Variants in NECTIN1 observed in about 807,000 individuals in gnomAD.
The protein encoded by NECTIN1 is nectin cell adhesion molecule 1, also known as nectin-1.
A neutral mutation model predicts 48.0 loss-of-function variants in NECTIN1; 23 were observed. The observed-to-expected ratio is 0.48, with a 90% CI of 0.34 to 0.68. NECTIN1 has a LOEUF of 0.68. Ranked by LOEUF, NECTIN1 falls within the 30% of genes least tolerant of loss-of-function variation. The pLI is 0.01. For missense variants in NECTIN1, 591 were observed against 709.9 expected, an observed-to-expected ratio of 0.83 and a Z score of 1.90; for synonymous variants, 270 against 288.9, an observed-to-expected ratio of 0.93 and a Z score of 0.66.
intron 1 of NECTIN1, among the ~76,000 whole-genome samples, chr11:119,685,225 C>A (rs1157658332): frequency 1.3e-5 from 2 of 152,202 alleles, no homozygotes; most frequent in Non-Finnish European, 2.9e-5. Context: ...CAAGTCAGTG[C>A]CTCCGCCCCT....
intron 5 of NECTIN1, among the ~76,000 whole-genome samples, chr11:119,669,812 C>T (rs1463626175): frequency 6.6e-6 from 1 of 152,146 alleles, no homozygotes; most frequent in Non-Finnish European, 1.5e-5. Flanking sequence ...CTTTGGGACA[C>T]AGCTCAAATA....
Position 119,713,363 on chromosome 11 carries a change from A to G in NECTIN1, c.79+15112T>C, listed in dbSNP as rs1865687979. ...AGGATCTCTAGGGTTGTGGGGTGGA[A>G]GGAGAAGCTGAAATTAGGAAGAAAA... On this transcript the variant is annotated intron_variant, in intron 1 of 5. Transcript: ENST00000264025. Among the ~76,000 whole-genome samples the G allele has an allele frequency of 2.0e-5, 3 of 152,252 alleles. No homozygotes were observed. In the East Asian group the frequency reaches 5.8e-4, roughly 29 times the overall value.
At chr11:119,638,787 G>T in exon 7 of NECTIN1, 2 of 1,613,942 alleles carry the variant, frequency 1.2e-6, no homozygotes, top group Non-Finnish European at 1.7e-6. Flanking sequence ...TCCGGCTTCT[G>T]GGAGAGGGGC....
At chr11:119,720,862 G>A (rs149881588) in intron 1 of NECTIN1, among the ~76,000 whole-genome samples, 157 of 152,276 alleles carry the variant, frequency 1.0e-3, no homozygotes, top group African/African-American at 3.6e-3. Context: ...GACAAGGAAC[G>A]CGAGCTGGGG....
At chr11:119,688,715 G>T (rs1865203696) in intron 1 of NECTIN1, among the ~76,000 whole-genome samples, 1 of 152,132 alleles carries the variant, frequency 6.6e-6, no homozygotes, top group Non-Finnish European at 1.5e-5. Flanking sequence ...ATAGTTGGGG[G>T]GCACTCTGGT....
intron 1 of NECTIN1, among the ~76,000 whole-genome samples, chr11:119,687,888 C>T (rs1052238737): frequency 8.6e-5 from 13 of 151,906 alleles, no homozygotes; most frequent in Non-Finnish European, 1.3e-4. Flanking sequence ...CTCGGATGGC[C>T]GGGGGGGTGA....
chr11:119,653,128 GA>G (rs1200225772), intron 5 of NECTIN1, among the ~76,000 whole-genome samples: 1 of 152,214 alleles, frequency 6.6e-6, no homozygotes, highest in African/African-American at 2.4e-5. Flanking sequence ...TCACAGTCTT[GA>G]TCCGGGGGTG....
Position 119,661,027 on chromosome 11 carries a change from T to G in NECTIN1, c.*3720A>C. On this transcript the variant is annotated 3_prime_UTR_variant, in exon 6 of 6. Transcript: ENST00000264025. The stretch of plus-strand genomic sequence containing the variant: ...ACACTTTATTTATAAAAAAGTACAT[T>G]TTTAATCCTCAGTACATTTTCAACC... 1.0e-6 allele frequency: 1 copy of G among 981,300 alleles called. No individual in the cohort carries two copies. Among genetic ancestry groups the G allele is most frequent in the Non-Finnish European group, 1.2e-6 (1 of 825,854 alleles). The allele number at this position is 981,300 out of a possible 1,614,324, so 60.8% of individuals were successfully genotyped here.
At chr11:119,700,897 C>T (rs988379138) in intron 1 of NECTIN1, among the ~76,000 whole-genome samples, 1 of 152,108 alleles carries the variant, frequency 6.6e-6, no homozygotes, top group Non-Finnish European at 1.5e-5. Flanking sequence ...CAAAGAGCAG[C>T]CCACAGTAGC....
intron 1 of NECTIN1, among the ~76,000 whole-genome samples, chr11:119,717,998 A>C (rs1156343422): frequency 6.6e-6 from 1 of 152,228 alleles, no homozygotes; most frequent in Admixed American, 6.5e-5. Flanking sequence ...AGCATGGATA[A>C]TCTAGAACAG....
Position 119,664,280 on chromosome 11 carries a change from C to T in NECTIN1, c.*467G>A, listed in dbSNP as rs893109069. On this transcript the variant is annotated 3_prime_UTR_variant, in exon 6 of 6. Transcript: ENST00000264025. The stretch of plus-strand genomic sequence containing the variant: ...ATTTCACTGGTGGGTGTTGGGTTCC[C>T]TCTAGCCGGGAGGAGGAGCAGCATC... 2.0e-6 allele frequency: 2 copies of T among 998,134 alleles called. No homozygotes were observed. Among genetic ancestry groups the T allele is most frequent in the Non-Finnish European group, 2.4e-6 (2 of 837,224 alleles). The allele number at this position is 998,134 out of a possible 1,614,324, so 61.8% of individuals were successfully genotyped here.
chr11:119,699,130 T>C (rs554075277), intron 1 of NECTIN1, among the ~76,000 whole-genome samples: 2 of 152,254 alleles, frequency 1.3e-5, no homozygotes, highest in East Asian at 1.9e-4. Flanking sequence ...GCTAGGATCA[T>C]CATCTCTGCA....
chr11:119,655,957 G>T (rs1864566632), intron 5 of NECTIN1, among the ~76,000 whole-genome samples: 1 of 152,140 alleles, frequency 6.6e-6, no homozygotes, highest in African/African-American at 2.4e-5. Context: ...GGGTGCAATG[G>T]TACAATTAGA....
chr11:119,717,037 T>G (rs2134341018), intron 1 of NECTIN1, among the ~76,000 whole-genome samples: 1 of 151,870 alleles, frequency 6.6e-6, no homozygotes, highest in Middle Eastern at 3.4e-3. Context: ...AGTAATGGAG[T>G]GATGGGAGAT....
chr11:119,648,755 C>T (rs561356596), intron 5 of NECTIN1, among the ~76,000 whole-genome samples: 1 of 152,140 alleles, frequency 6.6e-6, no homozygotes, highest in East Asian at 1.9e-4. Flanking sequence ...TCTCCAGCCC[C>T]CTTCCCTCCC....
At chr11:119,711,759 T>G (rs1252889232) in intron 1 of NECTIN1, among the ~76,000 whole-genome samples, 1 of 152,200 alleles carries the variant, frequency 6.6e-6, no homozygotes, top group Non-Finnish European at 1.5e-5. Context: ...TGTAAAGTTG[T>G]GGGAGTGTAG....
chr11:119,722,473 G>T (rs189983855), intron 1 of NECTIN1, among the ~76,000 whole-genome samples: 1 of 152,342 alleles, frequency 6.6e-6, no homozygotes, highest in East Asian at 1.9e-4. Context: ...AGAAGGCAGG[G>T]GCTGAGTCCC....
chr11:119,718,228 CA>C (rs1272206738), intron 1 of NECTIN1, among the ~76,000 whole-genome samples: 1 of 152,188 alleles, frequency 6.6e-6, no homozygotes, highest in African/African-American at 2.4e-5. Context: ...TCCTCAGCCA[CA>C]ACCCTGGGGA....
chr11:119,664,674 T>TG lies in NECTIN1; in HGVS notation c.*72dup, dbSNP rs1864728846. The TG allele has an allele frequency of 4.4e-6, 3 of 674,892 alleles. No individual in the cohort carries two copies. Among genetic ancestry groups the TG allele is most frequent in the African/African-American group, 9.7e-5 (2 of 20,706 alleles). The allele number at this position is 674,892 out of a possible 1,614,324, so 41.8% of individuals were successfully genotyped here. A position where few individuals can be genotyped will look rare whatever the true frequency, so the allele number is the denominator to read the frequency against. On this transcript the variant is annotated 3_prime_UTR_variant, in exon 6 of 6. Transcript: ENST00000264025. Reference sequence around the variant, plus strand: ...TCTGTTCAGCTCCTGGAGTGGGAGGTGGGGGGTGGGCAGGGGGCGTGCGGG... The same window carrying TG: ...TCTGTTCAGCTCCTGGAGTGGGAGGTGGGGGGGTGGGCAGGGGGCGTGCGGG...
Sources: allele counts gnomAD v4.1 joint callset (sites outside exome capture counted in the v4.1 genomes callset), GRCh38; gene constraint gnomAD v4.1.1; transcripts MANE v1.5; gene names NCBI Gene and HGNC (gene_info 2026-07-23, HGNC 2026-07-21).